The following CLASP1 variants were observed in gnomAD, a reference collection of about 807,000 sequenced individuals.
The protein encoded by CLASP1 is CLIP-associating protein 1.
A neutral mutation model predicts 192.3 loss-of-function variants in CLASP1; 38 were observed. The ratio of observed to expected loss-of-function variants is 0.20; its 90% CI spans 0.15 to 0.26. The LOEUF (loss-of-function observed/expected upper bound fraction) is 0.26. Ranked by LOEUF, CLASP1 falls within the 10% of genes least tolerant of loss-of-function variation. The probability of loss-of-function intolerance (pLI) is 1.00; values close to 1 mark genes in which losing one functional copy is unlikely to be tolerated. For missense variants in CLASP1, 1,433 were observed against 1,932.5 expected, an observed-to-expected ratio of 0.74 and a Z score of 4.85; for synonymous variants, 691 against 712.8, an observed-to-expected ratio of 0.97 and a Z score of 0.49.
At chr2:121,640,876 C>T (rs2071925798) in intron 1 of CLASP1, among the ~76,000 whole-genome samples, 1 of 152,164 alleles carries the variant, frequency 6.6e-6, no homozygotes, top group Non-Finnish European at 1.5e-5. Context: ...CTCTAGCACC[C>T]ATCCAACTGC....
chr2:121,561,710 T>C (rs181956196), intron 2 of CLASP1, among the ~76,000 whole-genome samples: 123 of 152,306 alleles, frequency 8.1e-4, no homozygotes, highest in African/African-American at 2.8e-3. Flanking sequence ...AAACCTTGAT[T>C]TAGATGGAGA....
chr2:121,366,353 A>C (rs1411133591), intron 35 of CLASP1, among the ~76,000 whole-genome samples: 1 of 152,226 alleles, frequency 6.6e-6, no homozygotes, highest in South Asian at 2.1e-4. Flanking sequence ...AGAGTCTGAG[A>C]TGCTACCCAC....
intron 28 of CLASP1, among the ~76,000 whole-genome samples, chr2:121,400,746 T>C (rs941266939): frequency 2.6e-5 from 4 of 152,262 alleles, no homozygotes; most frequent in Non-Finnish European, 5.9e-5. Context: ...CAGTTTGTAG[T>C]AACTTATAAA....
At chr2:121,377,012 G>A (rs2070401284) in intron 34 of CLASP1, among the ~76,000 whole-genome samples, 1 of 152,280 alleles carries the variant, frequency 6.6e-6, no homozygotes, top group Non-Finnish European at 1.5e-5. Context: ...AGTAACAATA[G>A]AGATAAAGTA....
chr2:121,545,440 G>A (rs1193043335), intron 2 of CLASP1, among the ~76,000 whole-genome samples: 1 of 152,016 alleles, frequency 6.6e-6, no homozygotes, highest in African/African-American at 2.4e-5. Flanking sequence ...ATGACATTTA[G>A]CAGGTATGGC....
chr2:121,499,952 CTCTTA>C (rs1286828381), intron 8 of CLASP1, among the ~76,000 whole-genome samples: 2 of 152,156 alleles, frequency 1.3e-5, no homozygotes, highest in African/African-American at 4.8e-5. Flanking sequence ...TGTCTCACCA[CTCTTA>C]TCTTACACAG....
chr2:121,563,028 T>A (rs1276138292), intron 2 of CLASP1, among the ~76,000 whole-genome samples: 1 of 152,180 alleles, frequency 6.6e-6, no homozygotes, highest in South Asian at 2.1e-4. Flanking sequence ...GGGTTGGGGA[T>A]GGGCAATGTA....
chr2:121,614,071 T>C (rs1006147692), intron 1 of CLASP1, among the ~76,000 whole-genome samples: 1 of 152,206 alleles, frequency 6.6e-6, no homozygotes, highest in African/African-American at 2.4e-5. Flanking sequence ...GCTCATCATG[T>C]AGTGGCTGGA....
Position 121,407,531 on chromosome 2 carries a change from G to T in CLASP1, c.2609C>A (p.Ser870Ter). 1 of 1,613,838 alleles carries T rather than the reference G, an allele frequency of 6.2e-7. No individual in the cohort carries two copies. The highest frequency in any genetic ancestry group is 1.1e-5 in the South Asian group (1 of 91,030). Residue 870 changes from serine (S) to a stop codon, truncating the protein, a stop_gained, in exon 25 of 40, where the codon TCA becomes TAA. Coordinates refer to ENST00000263710, the Ensembl canonical transcript of CLASP1. LOFTEE classifies it high-confidence loss of function. ...GCCCAGAAGCCCTTCTTTCCTTTCT[G>T]ACCAGTTTGAACTAGCACAGTGGTT...
chr2:121,580,893 A>C (rs1310759894), intron 2 of CLASP1, among the ~76,000 whole-genome samples: 1 of 152,206 alleles, frequency 6.6e-6, no homozygotes, highest in African/African-American at 2.4e-5. Flanking sequence ...CTGAGAAAAA[A>C]TATCGTTCAT....
chr2:121,568,442 T>C (rs560912288), intron 2 of CLASP1, among the ~76,000 whole-genome samples: 66 of 152,018 alleles, frequency 4.3e-4, no homozygotes, highest in Non-Finnish European at 6.5e-4. Context: ...AAATGTGTTG[T>C]ATTCTAGACG....
intron 1 of CLASP1, among the ~76,000 whole-genome samples, chr2:121,629,029 G>C (rs1204175218): frequency 1.3e-5 from 2 of 151,874 alleles, no homozygotes; most frequent in Non-Finnish European, 2.9e-5. Context: ...TAACGAACAG[G>C]GAAGTGGGAA....
intron 1 of CLASP1, among the ~76,000 whole-genome samples, chr2:121,637,605 G>A (rs1452774385): frequency 6.6e-6 from 1 of 152,174 alleles, no homozygotes; most frequent in African/African-American, 2.4e-5. Flanking sequence ...AATTTAGGCT[G>A]GCGTGGTGGC....
chr2:121,594,577 G>A (rs2062894334), intron 2 of CLASP1, among the ~76,000 whole-genome samples: 1 of 151,862 alleles, frequency 6.6e-6, no homozygotes, highest in African/African-American at 2.4e-5. Flanking sequence ...ATTTTTAGTA[G>A]AGACGGGGTT....
chr2:121,530,187 G>T, intron 3 of CLASP1, 60 bp downstream of exon 3: 8 of 1,442,938 alleles, frequency 5.5e-6, no homozygotes, highest in Non-Finnish European at 6.6e-6. Flanking sequence ...AGCCGGGGAG[G>T]CCGAGGGAAG....
intron 1 of CLASP1, among the ~76,000 whole-genome samples, chr2:121,649,059 G>A (rs2073726817): frequency 6.6e-6 from 1 of 152,220 alleles, no homozygotes; most frequent in East Asian, 1.9e-4. Flanking sequence ...GGGTTAGGAA[G>A]GGGGCCCGGG....
exon 40 of CLASP1, chr2:121,339,305 G>C (rs2149067063): frequency 6.6e-6 from 1 of 152,356 alleles, no homozygotes; most frequent in Non-Finnish European, 1.5e-5. Flanking sequence ...CTGTGGAAAT[G>C]ATGTTAAGAA....
intron 19 of CLASP1, among the ~76,000 whole-genome samples, chr2:121,442,079 C>G (rs1026990906): frequency 1.3e-5 from 2 of 152,162 alleles, no homozygotes; most frequent in African/African-American, 4.8e-5. Flanking sequence ...ACAGGCCATT[C>G]AAAGCACTGT....
chr2:121,360,716 A>C (rs553876093), intron 37 of CLASP1, among the ~76,000 whole-genome samples: 1 of 152,198 alleles, frequency 6.6e-6, no homozygotes, highest in Non-Finnish European at 1.5e-5. Flanking sequence ...TTTTATAAGG[A>C]AACTCCAAGG....
Sources: gnomAD v4.1 joint callset for allele counts (sites outside exome capture counted in the v4.1 genomes callset) on GRCh38, gnomAD v4.1.1 for gene constraint, MANE v1.5 for transcripts, NCBI Gene and HGNC (gene_info 2026-07-23, HGNC 2026-07-21) for gene names.